The following MFN2 variants were observed in gnomAD, a reference collection of about 807,000 sequenced individuals.
The protein encoded by MFN2 is mitofusin-2.
MFN2 carries 43 observed loss-of-function variants against 87.5 expected under a neutral mutation model. The ratio of observed to expected loss-of-function variants is 0.49; its 90% confidence interval spans 0.38 to 0.63. The LOEUF (loss-of-function observed/expected upper bound fraction) is 0.63, where lower values mean the gene tolerates loss of function less well. Among genes scored for constraint, MFN2 ranks in the 30% least tolerant of loss-of-function variants. The pLI is 0.00. For synonymous variants in MFN2, 337 were observed against 359.9 expected (o/e 0.94, Z 0.72); for missense variants, 743 against 972.8 (o/e 0.76, Z 3.14).
Position 12,011,587 on chromosome 1 carries a change from G to GC in MFN2, c.*23dup. 1 of 1,613,138 alleles carries GC rather than the reference G, an allele frequency of 6.2e-7. No individual in the cohort carries two copies. The highest frequency in any genetic ancestry group is 8.5e-7 in the Non-Finnish European group (1 of 1,179,752). On this transcript the variant is annotated 3_prime_UTR_variant, in exon 19 of 19. Transcript: ENST00000235329. ...ATAGTGGGCACCTGAGGCGGAGTCT[G>GC]CGTGGAGAGGGGCGGTGCTGCCAGC...
Position 12,013,073 on chromosome 1 carries a change from G to A in MFN2, c.*1508G>A, listed in dbSNP as rs1319371555. 5.9e-6 allele frequency: 2 copies of A among 338,904 alleles called. No individual in the cohort carries two copies. Among genetic ancestry groups the A allele is most frequent in the Non-Finnish European group, 1.1e-5 (2 of 173,998 alleles). The allele number at this position is 338,904 out of a possible 1,614,324, so 21.0% of individuals were successfully genotyped here. On this transcript the variant is annotated 3_prime_UTR_variant, in exon 19 of 19. Coordinates refer to ENST00000235329, the MANE Select transcript of MFN2 (RefSeq NM_014874.4). ...TGGGGCGAAGTGATGGACTCTGCCA[G>A]GTGGACATGCTGTGGGTGGATGTTC...
At chr1:11,990,860 C>T (rs1477456452) in intron 3 of MFN2, among the ~76,000 whole-genome samples, 3 of 152,260 alleles carry the variant, frequency 2.0e-5, no homozygotes, top group African/African-American at 4.8e-5. Flanking sequence ...CAGAGGTGAC[C>T]GGTGGACATA....
chr1:12,005,869 C>G lies in MFN2; in HGVS notation c.1654C>G (p.Leu552Val), dbSNP rs888340216. 9.3e-6 allele frequency: 15 copies of G among 1,614,054 alleles called. No homozygotes were observed. Among genetic ancestry groups the G allele is most frequent in the Non-Finnish European group, 1.3e-5 (15 of 1,180,040 alleles). Residue 552 changes from leucine to valine, a missense_variant, in exon 15 of 19, where the codon CTG (leucine) becomes GTG (valine). Around this residue, in one of 3 missense-constraint regions of MFN2, gnomAD observed 571 missense variants for 670.7 expected, o/e 0.85. Coordinates refer to ENST00000235329, the MANE Select transcript of MFN2 (RefSeq NM_014874.4). Reference protein sequence around the residue: ...EFHFSLGWTMLVNRFLGPKNS... With the variant: ...EFHFSLGWTMVVNRFLGPKNS... The stretch of plus-strand genomic sequence containing the variant: ...CCATTTCTCTCTCGGATGGACCATG[C>G]TGGTGAATAGGTTCCTGGGCCCCAA...
chr1:12,000,435 C>T (rs1322620501), intron 8 of MFN2, among the ~76,000 whole-genome samples: 2 of 152,144 alleles, frequency 1.3e-5, no homozygotes, highest in Non-Finnish European at 2.9e-5. Flanking sequence ...AGTGATCCGC[C>T]CGCCTCGGCC....
intron 1 of MFN2, among the ~76,000 whole-genome samples, chr1:11,981,549 A>G (rs1645984745): frequency 6.6e-6 from 1 of 152,272 alleles, no homozygotes; most frequent in Non-Finnish European, 1.5e-5. Context: ...TCTGTCCCAC[A>G]GAATAGAGAA....
chr1:11,998,687 T>C, intron 6 of MFN2, 83 bp from the exon 7 acceptor site: 1 of 1,300,086 alleles, frequency 7.7e-7, no homozygotes, highest in Non-Finnish European at 1.1e-6. Flanking sequence ...CCTGCCTGCC[T>C]CACAAGTCCC....
At chr1:11,980,760 C>T (rs1214577723) in intron 1 of MFN2, among the ~76,000 whole-genome samples, 1 of 152,252 alleles carries the variant, frequency 6.6e-6, no homozygotes, top group Non-Finnish European at 1.5e-5. Context: ...CCTGCCCCTT[C>T]TCTATTTTTC....
intron 1 of MFN2, 102 bp from the exon 2 acceptor site, chr1:11,981,868 G>A (rs891121727): frequency 1.5e-4 from 22 of 151,280 alleles, no homozygotes; most frequent in Admixed American, 1.4e-3. Context: ...GCTTCCCTCA[G>A]GGATGAGTTT....
chr1:11,998,839 T>C lies in MFN2; in HGVS notation c.669T>C (p.Phe223=), dbSNP rs1440006845. The change falls in exon 7 of 19, where the codon TTT becomes TTC. Residue 223 remains phenylalanine (F), a synonymous_variant. Transcript: ENST00000235329. ...IDKFCLDADV[F]VLVANSESTL... is the part of the protein sequence containing the mutation. Reference sequence around the variant, plus strand: ...AGTTTTGTCTGGATGCTGATGTGTTTGTGCTGGTGGCCAACTCAGAGTCCA... The same window carrying C: ...AGTTTTGTCTGGATGCTGATGTGTTCGTGCTGGTGGCCAACTCAGAGTCCA... 6.2e-7 allele frequency: 1 copy of C among 1,614,190 alleles called. No individual in the cohort carries two copies. The highest frequency in any genetic ancestry group is 1.7e-5 in the Admixed American group (1 of 60,014).
chr1:11,980,559 G>A (rs1416048662), intron 1 of MFN2, 75 bp downstream of exon 1: 1 of 397,592 alleles, frequency 2.5e-6, no homozygotes, highest in Non-Finnish European at 4.4e-6. Flanking sequence ...GCTCGGCGTG[G>A]GCCGACGGGA....
chr1:12,011,306 C>T (rs1208542116), intron 18 of MFN2, among the ~76,000 whole-genome samples, 190 bp from the exon 19 acceptor site: 1 of 152,182 alleles, frequency 6.6e-6, no homozygotes, highest in African/African-American at 2.4e-5. Flanking sequence ...GCTTATTAGC[C>T]GTGTGGCCTT....
chr1:11,982,586 A>G (rs1185334011), intron 2 of MFN2: 2 of 152,208 alleles, frequency 1.3e-5, no homozygotes, highest in Admixed American at 6.6e-5. Flanking sequence ...TGTACATAAC[A>G]CTGGGTAAGG....
intron 5 of MFN2, 32 bp from the exon 6 acceptor site, chr1:11,997,265 T>C (rs955434907): frequency 3.1e-6 from 5 of 1,613,608 alleles, no homozygotes; most frequent in Non-Finnish European, 4.2e-6. Context: ...TGGTTCCTCC[T>C]CAGCCTCTTT....
Position 12,001,750 on chromosome 1 carries a change from T to A in MFN2, c.971-19T>A. The A allele has an allele frequency of 6.2e-7, 1 of 1,614,060 alleles. No homozygotes were observed. Among genetic ancestry groups the A allele is most frequent in the South Asian group, 1.1e-5 (1 of 91,090 alleles). On this transcript the variant is annotated intron_variant, in intron 9 of 18. Coordinates refer to ENST00000235329, the MANE Select transcript of MFN2 (RefSeq NM_014874.4). Reference sequence around the variant, plus strand: ...TGCTGCCAAGTTGTTTCTGGACTAATGCAGTACAATCCTCCTAGGGGGCGC... The same window carrying A: ...TGCTGCCAAGTTGTTTCTGGACTAAAGCAGTACAATCCTCCTAGGGGGCGC...
intron 2 of MFN2, among the ~76,000 whole-genome samples, chr1:11,986,788 A>C (rs957289994): frequency 1.3e-5 from 2 of 151,672 alleles, no homozygotes; most frequent in Non-Finnish European, 1.5e-5. Flanking sequence ...AAGGGGTTTC[A>C]CCATGTTGGC....
At chr1:11,982,221 A>G (rs578156606) in intron 2 of MFN2, 107 bp downstream of exon 2, 1 of 152,264 alleles carries the variant, frequency 6.6e-6, no homozygotes, top group Non-Finnish European at 1.5e-5. Context: ...TCCTCTTTGT[A>G]TAGAGCCACA....
intron 4 of MFN2, 55 bp downstream of exon 4, chr1:11,992,745 C>A: frequency 6.2e-7 from 1 of 1,611,868 alleles, no homozygotes; most frequent in South Asian, 1.1e-5. Flanking sequence ...GGGAGGGAGG[C>A]ACTTTGTGCA....
chr1:11,996,856 G>C (rs1442699866), intron 5 of MFN2, among the ~76,000 whole-genome samples: 1 of 152,076 alleles, frequency 6.6e-6, no homozygotes, highest in African/African-American at 2.4e-5. Flanking sequence ...TGGCCAACAT[G>C]GTGAAACCCC....
At position 12,004,750 on chromosome 1, in the gene MFN2, G is replaced by C; in HGVS notation, c.1393-75G>C. ...GGCCCAGGCTTCCGTCAGCCTTCTG[G>C]GGTCACCTGGTGGATGTGGCCTGAA... On this transcript the variant is annotated intron_variant, in intron 13 of 18. Transcript: ENST00000235329. The surrounding 1 kb of genome is among the most constrained non-coding windows in gnomAD (Gnocchi z 4.2). 2.6e-6 allele frequency: 4 copies of C among 1,523,386 alleles called. No individual in the cohort carries two copies. In the South Asian group the frequency reaches 3.4e-5, roughly 13 times the overall value. The allele number at this position is 1,523,386 out of a possible 1,614,324, so 94.4% of individuals were successfully genotyped here. A position where few individuals can be genotyped will look rare whatever the true frequency, so the allele number is the denominator to read the frequency against.
Sources: gnomAD v4.1 joint callset for allele counts (sites outside exome capture counted in the v4.1 genomes callset) on GRCh38, gnomAD v4.1.1 for gene constraint, gnomAD v4.1.1 regional missense constraint, Gnocchi (gnomAD v3.1) non-coding constraint, MANE v1.5 for transcripts, NCBI Gene and HGNC (gene_info 2026-07-23, HGNC 2026-07-21) for gene names.